The following PLCXD3 variants were observed in gnomAD, a reference collection of about 807,000 sequenced individuals.
The protein encoded by PLCXD3 is phosphatidylinositol specific phospholipase C X domain containing 3.
In PLCXD3, 19 loss-of-function variants were observed where a neutral mutation model predicts 25.5. The observed-to-expected ratio is 0.75, with a 90% CI of 0.52 to 1.09. The LOEUF is 1.09. PLCXD3 is among the 50% of genes least tolerant of loss of function. The probability of loss-of-function intolerance (pLI) is 0.00; values close to 1 mark genes in which losing one functional copy is unlikely to be tolerated. For synonymous variants in PLCXD3, 174 were observed against 137.6 expected, an observed-to-expected ratio of 1.26 and a Z score of -1.85; for missense variants, 411 against 388.1, an observed-to-expected ratio of 1.06 and a Z score of -0.50.
intron 2 of PLCXD3, among the ~76,000 whole-genome samples, chr5:41,351,500 C>T (rs1221053974): frequency 6.6e-6 from 1 of 152,050 alleles, no homozygotes; most frequent in East Asian, 1.9e-4. Context: ...AAGGGCAGTT[C>T]AAATGGATTA....
At chr5:41,429,945 C>A (rs1016069435) in intron 1 of PLCXD3, among the ~76,000 whole-genome samples, 2 of 151,824 alleles carry the variant, frequency 1.3e-5, no homozygotes, top group Non-Finnish European at 2.9e-5. Flanking sequence ...ACCTTGATGC[C>A]CCTGGAAACA....
chr5:41,317,376 C>A (rs903789612), intron 2 of PLCXD3, among the ~76,000 whole-genome samples: 1 of 152,120 alleles, frequency 6.6e-6, no homozygotes, highest in African/African-American at 2.4e-5. Context: ...TCCAGAAGGC[C>A]TCCCTGAGAA....
At chr5:41,500,228 T>C (rs530470085) in intron 1 of PLCXD3, among the ~76,000 whole-genome samples, 4 of 152,054 alleles carry the variant, frequency 2.6e-5, no homozygotes, top group Admixed American at 2.6e-4. Flanking sequence ...AATAGAATAC[T>C]ATAATATTCA....
intron 1 of PLCXD3, among the ~76,000 whole-genome samples, chr5:41,387,181 C>T (rs1381080293): frequency 1.3e-5 from 2 of 152,020 alleles, no homozygotes; most frequent in Non-Finnish European, 2.9e-5. Context: ...ACTAAGTAGC[C>T]TCTAGGAGCT....
intron 1 of PLCXD3, among the ~76,000 whole-genome samples, chr5:41,466,878 G>C (rs1375897664): frequency 1.3e-5 from 2 of 152,074 alleles, no homozygotes. Context: ...TGTCACGAGT[G>C]ACAGAAATCT....
At chr5:41,509,213 C>A (rs1308568150) in intron 1 of PLCXD3, among the ~76,000 whole-genome samples, 1 of 151,964 alleles carries the variant, frequency 6.6e-6, no homozygotes, top group African/African-American at 2.4e-5. Flanking sequence ...TGAGAGGGGG[C>A]GCTGGATGGG....
intron 1 of PLCXD3, among the ~76,000 whole-genome samples, chr5:41,452,084 C>A (rs1747645818): frequency 6.6e-6 from 1 of 152,020 alleles, no homozygotes; most frequent in Admixed American, 6.6e-5. Flanking sequence ...GGAGGAGCTT[C>A]ATGGTGAAAG....
At chr5:41,392,060 A>G (rs967498206) in intron 1 of PLCXD3, among the ~76,000 whole-genome samples, 2 of 152,088 alleles carry the variant, frequency 1.3e-5, no homozygotes, top group Non-Finnish European at 2.9e-5. Context: ...GTAGACCTAT[A>G]AGGTTTTTGA....
intron 2 of PLCXD3, among the ~76,000 whole-genome samples, chr5:41,333,462 C>T (rs978406331): frequency 1.3e-5 from 2 of 152,130 alleles, no homozygotes; most frequent in South Asian, 4.1e-4. Flanking sequence ...AGGGTCTTTG[C>T]ATCTATAGGT....
At chr5:41,439,197 T>C (rs1747324665) in intron 1 of PLCXD3, among the ~76,000 whole-genome samples, 1 of 152,068 alleles carries the variant, frequency 6.6e-6, no homozygotes, top group African/African-American at 2.4e-5. Flanking sequence ...AATGGAAAAT[T>C]TGTCCATAAA....
chr5:41,367,115 T>G (rs1744958620), intron 2 of PLCXD3, among the ~76,000 whole-genome samples: 1 of 152,196 alleles, frequency 6.6e-6, no homozygotes, highest in Non-Finnish European at 1.5e-5. Context: ...TGCATGGATC[T>G]TTATAATAGA....
chr5:41,380,804 T>C (rs2150492292), intron 2 of PLCXD3, among the ~76,000 whole-genome samples: 1 of 152,290 alleles, frequency 6.6e-6, no homozygotes, highest in South Asian at 2.1e-4. Flanking sequence ...TTTCTTCAGA[T>C]GATGTTTGCA....
chr5:41,419,008 G>A (rs1746755688), intron 1 of PLCXD3, among the ~76,000 whole-genome samples: 1 of 152,158 alleles, frequency 6.6e-6, no homozygotes, highest in Non-Finnish European at 1.5e-5. Flanking sequence ...AGGAGTGACT[G>A]AGGCCACAGC....
At chr5:41,457,451 G>A (rs1747777995) in intron 1 of PLCXD3, among the ~76,000 whole-genome samples, 1 of 151,866 alleles carries the variant, frequency 6.6e-6, no homozygotes, top group Non-Finnish European at 1.5e-5. Context: ...GGTCATGGGA[G>A]TTCCAAATCT....
chr5:41,375,993 A>G (rs902178106), intron 2 of PLCXD3, among the ~76,000 whole-genome samples: 1 of 152,158 alleles, frequency 6.6e-6, no homozygotes, highest in African/African-American at 2.4e-5. Flanking sequence ...GCAAGGCCTT[A>G]AATGGACACA....
intron 1 of PLCXD3, among the ~76,000 whole-genome samples, chr5:41,481,102 TAAAAAAAAAAA>T (rs554092157): frequency 4.1e-5 from 3 of 72,908 alleles, no homozygotes; most frequent in African/African-American, 1.1e-4. Context: ...ACCTAATTTG[TAAAAAAAAAAA>T]AAAAAAAAAA....
At position 41,336,662 on chromosome 5, in the gene PLCXD3, C is replaced by T. The variant is rs556831916; in HGVS notation, c.813-22892G>A. 3.9e-5 allele frequency among the ~76,000 whole-genome samples: 6 copies of T among 152,128 alleles called. No homozygotes were observed. The South Asian group carries it at 6.2e-4, about 16-fold the overall frequency. ...TAAGTTTCTGTCTGAGAATTGCCCT[C>T]GGCAAAAGAAAGCCACCTCACTCAA... On this transcript the variant is annotated intron_variant, in intron 2 of 2. Coordinates refer to ENST00000377801, the MANE Select transcript of PLCXD3 (RefSeq NM_001005473.3).
intron 1 of PLCXD3, among the ~76,000 whole-genome samples, chr5:41,443,887 T>A (rs2150512327): frequency 6.6e-6 from 1 of 152,360 alleles, no homozygotes; most frequent in South Asian, 2.1e-4. Context: ...GTTTTGTACC[T>A]TTTAGTTTTT....
intron 2 of PLCXD3, among the ~76,000 whole-genome samples, chr5:41,315,071 C>A (rs1658111792): frequency 6.6e-6 from 1 of 152,040 alleles, no homozygotes; most frequent in Non-Finnish European, 1.5e-5. Context: ...TTTTCATTTG[C>A]TGACAGAATC....
Sources: gnomAD v4.1 joint callset for allele counts (sites outside exome capture counted in the v4.1 genomes callset) on GRCh38, gnomAD v4.1.1 for gene constraint, MANE v1.5 for transcripts, NCBI Gene and HGNC (gene_info 2026-07-23, HGNC 2026-07-21) for gene names.